MECOM: variants seen among roughly 807,000 people sequenced by gnomAD.
MECOM encodes histone-lysine N-methyltransferase MECOM.
In MECOM, 13 loss-of-function variants were observed where a neutral mutation model predicts 116.3. The ratio of observed to expected loss-of-function variants is 0.11; its 90% CI spans 0.07 to 0.18. The LOEUF (loss-of-function observed/expected upper bound fraction) is 0.18. Ranked by LOEUF, MECOM falls within the 10% of genes least tolerant of loss-of-function variation. The pLI, the probability that MECOM is intolerant of heterozygous loss-of-function variation, is 1.00. For synonymous variants in MECOM, 528 were observed against 535.2 expected, an observed-to-expected ratio of 0.99 and a Z score of 0.19; for missense variants, 1,299 against 1,509.0, an observed-to-expected ratio of 0.86 and a Z score of 2.31.
At chr3:169,142,938 A>T (rs754301190) in intron 3 of MECOM, among the ~76,000 whole-genome samples, 15 of 152,010 alleles carry the variant, frequency 9.9e-5, no homozygotes, top group Non-Finnish European at 1.9e-4. Flanking sequence ...ATTAAATTCT[A>T]GCTCAACAAT....
At chr3:169,295,350 T>C (rs1441816768) in intron 2 of MECOM, among the ~76,000 whole-genome samples, 2 of 152,234 alleles carry the variant, frequency 1.3e-5, no homozygotes, top group East Asian at 3.8e-4. Context: ...TACCCAAATT[T>C]CAATGTACCT....
rs553939747 is a variant in MECOM at position 169,451,548 on chromosome 3, G to A, written c.38-70024C>T. On this transcript the variant is annotated intron_variant, in intron 1 of 16. Coordinates refer to ENST00000651503, the MANE Select transcript of MECOM (RefSeq NM_004991.4). ...TATCTCCAGGTACTCCACCATCCAT[G>A]TCATCAACTGTGGAAAAATGTCCCA... is the stretch of plus-strand genomic sequence containing the variant. 5.3e-5 allele frequency among the ~76,000 whole-genome samples: 8 copies of A among 152,260 alleles called. No homozygotes were observed. The East Asian group carries it at 1.5e-3, about 29-fold the overall frequency.
chr3:169,603,207 C>T (rs1768034682), intron 1 of MECOM, among the ~76,000 whole-genome samples: 1 of 152,122 alleles, frequency 6.6e-6, no homozygotes, highest in Non-Finnish European at 1.5e-5. Context: ...GATCCTGACC[C>T]TGCGTAGGCC....
chr3:169,451,656 A>AT (rs1028312778), intron 1 of MECOM, among the ~76,000 whole-genome samples: 4 of 152,182 alleles, frequency 2.6e-5, no homozygotes, highest in African/African-American at 9.6e-5. Flanking sequence ...TATAAATTAT[A>AT]TTTTGTATGC....
At chr3:169,523,818 T>C (rs1450878385) in intron 1 of MECOM, among the ~76,000 whole-genome samples, 2 of 151,526 alleles carry the variant, frequency 1.3e-5, no homozygotes, top group Non-Finnish European at 2.9e-5. Flanking sequence ...ATTATATATA[T>C]ACACACATAT....
intron 1 of MECOM, chr3:169,623,935 A>C (rs1771054664): frequency 6.6e-6 from 1 of 152,168 alleles, no homozygotes; most frequent in African/African-American, 2.4e-5. Flanking sequence ...TTGCTTTCCC[A>C]AGCTGCTCAT....
chr3:169,485,923 A>AGTATATATGTAT lies in MECOM; in HGVS notation c.38-104400_38-104399insATACATATATAC, dbSNP rs1560340154. On this transcript the variant is annotated intron_variant, in intron 1 of 16. Coordinates refer to ENST00000651503, the MANE Select transcript of MECOM (RefSeq NM_004991.4). Reference sequence around the variant, plus strand: ...ATATAGTATATATGTATGTATATATAGTATATATAGTATATATGTATGTAT... The same window carrying AGTATATATGTAT: ...ATATAGTATATATGTATGTATATATAGTATATATGTATGTATATATAGTATATATGTATGTAT... Among the ~76,000 whole-genome samples, 11 of 83,766 alleles carry AGTATATATGTAT rather than the reference A, an allele frequency of 1.3e-4. No homozygotes were observed. In the South Asian group the frequency reaches 2.3e-3, roughly 18 times the overall value. 55.0% of individuals were successfully genotyped at this position (83,766 alleles called of 152,430 possible). A position where few individuals can be genotyped will look rare whatever the true frequency, so the allele number is the denominator to read the frequency against.
intron 2 of MECOM, among the ~76,000 whole-genome samples, chr3:169,299,970 C>T (rs921213648): frequency 2.6e-5 from 4 of 152,136 alleles, no homozygotes; most frequent in African/African-American, 9.7e-5. Flanking sequence ...TTTCCTTTCC[C>T]CTCCACTCCC....
At chr3:169,217,758 T>C (rs1363492366) in intron 2 of MECOM, among the ~76,000 whole-genome samples, 1 of 151,974 alleles carries the variant, frequency 6.6e-6, no homozygotes, top group Admixed American at 6.6e-5. Flanking sequence ...CACTCCAACC[T>C]GGGCAACAGA....
At chr3:169,215,257 T>TTTA (rs58611423) in intron 2 of MECOM, among the ~76,000 whole-genome samples, 6 of 147,738 alleles carry the variant, frequency 4.1e-5, no homozygotes, top group Admixed American at 6.8e-5. Flanking sequence ...TTTTTTTTTT[T>TTTA]AAAAAAGCAG....
intron 1 of MECOM, among the ~76,000 whole-genome samples, chr3:169,388,071 G>A (rs1436016304): frequency 6.6e-6 from 1 of 151,928 alleles, no homozygotes; most frequent in Non-Finnish European, 1.5e-5. Flanking sequence ...ACGTGGCTGA[G>A]AGCGGAGGAT....
chr3:169,138,239 T>C (rs1047890511), intron 3 of MECOM, among the ~76,000 whole-genome samples: 1 of 152,106 alleles, frequency 6.6e-6, no homozygotes, highest in Non-Finnish European at 1.5e-5. Flanking sequence ...GATATATACA[T>C]GCAAACACTA....
chr3:169,617,782 T>C (rs994084122), intron 1 of MECOM, among the ~76,000 whole-genome samples: 3 of 152,176 alleles, frequency 2.0e-5, no homozygotes, highest in Non-Finnish European at 4.4e-5. Flanking sequence ...GATAATTGTT[T>C]TAGCCAAAGA....
At chr3:169,506,251 A>G (rs1256779666) in intron 1 of MECOM, among the ~76,000 whole-genome samples, 1 of 152,224 alleles carries the variant, frequency 6.6e-6, no homozygotes, top group East Asian at 1.9e-4. Context: ...TGTCCAATTG[A>G]GATTAAAAAC....
chr3:169,231,812 T>C (rs900613419), intron 2 of MECOM, among the ~76,000 whole-genome samples: 1 of 151,892 alleles, frequency 6.6e-6, no homozygotes, highest in African/African-American at 2.4e-5. Context: ...TTAAAGCAAG[T>C]TCTCAAGATT....
intron 10 of MECOM, among the ~76,000 whole-genome samples, chr3:169,104,716 C>T (rs966758903): frequency 3.3e-5 from 5 of 152,124 alleles, no homozygotes; most frequent in South Asian, 2.1e-4. Context: ...CTATTATTCT[C>T]GGCTTTCATC....
chr3:169,622,668 G>A (rs1032331405), intron 1 of MECOM, among the ~76,000 whole-genome samples: 22 of 152,192 alleles, frequency 1.4e-4, no homozygotes, highest in African/African-American at 5.3e-4. Context: ...GCTAATATCA[G>A]TGGGAGTTAA....
chr3:169,137,186 T>G (rs1577115055), intron 3 of MECOM, among the ~76,000 whole-genome samples: 1 of 151,830 alleles, frequency 6.6e-6, no homozygotes, highest in African/African-American at 2.4e-5. Flanking sequence ...AATTGGAGGG[T>G]GGGTAGGAGA....
chr3:169,596,090 T>C (rs1767098549), intron 1 of MECOM, among the ~76,000 whole-genome samples: 1 of 152,176 alleles, frequency 6.6e-6, no homozygotes, highest in Admixed American at 6.5e-5. Flanking sequence ...ACTGAATAAT[T>C]GGATGGAAAA....
Sources: allele counts gnomAD v4.1 joint callset (sites outside exome capture counted in the v4.1 genomes callset), GRCh38; gene constraint gnomAD v4.1.1; transcripts MANE v1.5; gene names NCBI Gene and HGNC (gene_info 2026-07-23, HGNC 2026-07-21).